The following CD8B2 variants were observed in gnomAD, a reference collection of about 807,000 sequenced individuals.
CD8B2 encodes CD8B family member 2, also known as T-cell surface glycoprotein CD8 beta-2 chain.
A neutral mutation model predicts 23.7 loss-of-function variants in CD8B2; 11 were observed. The ratio of observed to expected loss-of-function variants is 0.46; its 90% CI spans 0.29 to 0.77. The LOEUF (loss-of-function observed/expected upper bound fraction) is 0.77. CD8B2 is among the 30% of genes least tolerant of loss of function. The pLI, the probability that CD8B2 is intolerant of heterozygous loss-of-function variation, is 0.09. For missense variants in CD8B2, 197 were observed against 270.5 expected (o/e 0.73, Z 1.91); for synonymous variants, 90 against 109.3 (o/e 0.82, Z 1.10).
chr2:106,511,437 T>A (rs2104563432), downstream of CD8B2, among the ~76,000 whole-genome samples: 1 of 151,992 alleles, frequency 6.6e-6, no homozygotes, highest in Non-Finnish European at 1.5e-5. Context: ...AGCACTGGTG[T>A]TCTCCCCTCC....
Position 106,508,047 on chromosome 2 carries a change from A to C in CD8B2, c.*1107A>C, listed in dbSNP as rs1679547229. 6.7e-6 allele frequency: 1 copy of C among 149,616 alleles called. No homozygotes were observed. The highest frequency in any genetic ancestry group is 2.0e-4 in the East Asian group (1 of 5,122). The allele number at this position is 149,616 out of a possible 1,614,324, so 9.3% of individuals were successfully genotyped here. Reference sequence around the variant, plus strand: ...TTAGCCTTGACAGTTGGAGAAGGAAAAAGCAAGGAGAAAGTGCTGAGCAGG... The same window carrying C: ...TTAGCCTTGACAGTTGGAGAAGGAACAAGCAAGGAGAAAGTGCTGAGCAGG... On this transcript the variant is annotated 3_prime_UTR_variant, in exon 6 of 6. Transcript: ENST00000643224.
intron 5 of CD8B2, chr2:106,535,064 C>A (rs1184421769): frequency 1.7e-4 from 26 of 152,228 alleles, no homozygotes; most frequent in Admixed American, 1.7e-3. Flanking sequence ...CCAAGTGATC[C>A]ACCTGCCTCA....
At chr2:106,490,764 G>A in intron 1 of CD8B2, 110 bp from the exon 2 acceptor site, 1 of 1,516,520 alleles carries the variant, frequency 6.6e-7, no homozygotes, top group Non-Finnish European at 8.8e-7. Flanking sequence ...CCCAGTAACT[G>A]GGCAGGTTCT....
intron 5 of CD8B2, among the ~76,000 whole-genome samples, 154 bp downstream of exon 5, chr2:106,504,479 C>T (rs565418086): frequency 3.9e-5 from 6 of 152,082 alleles, no homozygotes; most frequent in Admixed American, 2.0e-4. Context: ...CACAGCTACT[C>T]GGGAGCTGAA....
intron 5 of CD8B2, among the ~76,000 whole-genome samples, chr2:106,528,795 A>C (rs1490744689): frequency 6.6e-6 from 1 of 152,212 alleles, no homozygotes; most frequent in Non-Finnish European, 1.5e-5. Context: ...AGGCATTGGA[A>C]ATAGACTTTC....
chr2:106,539,654 A>G (rs1680142755), intron 5 of CD8B2, among the ~76,000 whole-genome samples: 1 of 152,184 alleles, frequency 6.6e-6, no homozygotes, highest in African/African-American at 2.4e-5. Flanking sequence ...GGACCATATC[A>G]TATTTATCAT....
chr2:106,506,265 G>A (rs570028966), intron 5 of CD8B2, among the ~76,000 whole-genome samples: 1 of 152,114 alleles, frequency 6.6e-6, no homozygotes, highest in East Asian at 1.9e-4. Flanking sequence ...GCTCCCCAGT[G>A]ATCTGATGCC....
At chr2:106,487,986 G>C (rs1213532861) in intron 1 of CD8B2, among the ~76,000 whole-genome samples, 1 of 152,156 alleles carries the variant, frequency 6.6e-6, no homozygotes, top group Non-Finnish European at 1.5e-5. Flanking sequence ...TGATGTGGCT[G>C]GTGTTGGGTG....
At chr2:106,537,162 C>T (rs1260270446) in intron 5 of CD8B2, among the ~76,000 whole-genome samples, 1 of 152,180 alleles carries the variant, frequency 6.6e-6, no homozygotes. Context: ...AACCAGGCCT[C>T]ATGCTCTGGG....
chr2:106,502,860 C>T (rs1679438780), intron 4 of CD8B2, among the ~76,000 whole-genome samples: 1 of 151,710 alleles, frequency 6.6e-6, no homozygotes, highest in African/African-American at 2.4e-5. Context: ...ACATTAGCTA[C>T]CTCCCAGAGT....
intron 5 of CD8B2, among the ~76,000 whole-genome samples, chr2:106,534,277 G>A (rs548845602): frequency 7.2e-5 from 11 of 152,296 alleles, no homozygotes; most frequent in South Asian, 2.1e-4. Context: ...AGGAAGAGGC[G>A]GGGAGAGAGA....
intron 5 of CD8B2, among the ~76,000 whole-genome samples, chr2:106,529,829 G>C (rs1432510233): frequency 2.0e-5 from 3 of 152,232 alleles, no homozygotes; most frequent in Non-Finnish European, 4.4e-5. Context: ...AGGGAGCTCT[G>C]TCTTTGCCAT....
chr2:106,490,554 A>T (rs1374163858), intron 1 of CD8B2, among the ~76,000 whole-genome samples: 6 of 152,210 alleles, frequency 3.9e-5, no homozygotes, highest in Non-Finnish European at 7.3e-5. Context: ...AAAATTCCAA[A>T]GCCAGTTTGA....
At chr2:106,494,438 G>A (rs1227562313) in intron 2 of CD8B2, among the ~76,000 whole-genome samples, 14 of 152,030 alleles carry the variant, frequency 9.2e-5, no homozygotes, top group African/African-American at 2.9e-4. Context: ...GTGAGTCACC[G>A]CGCCCAGCCT....
At chr2:106,542,874 A>C (rs1680198647) in intron 5 of CD8B2, 2 of 152,242 alleles carry the variant, frequency 1.3e-5, no homozygotes, top group South Asian at 4.1e-4. Flanking sequence ...TCAACTGAGC[A>C]GTGCCCCTAA....
intron 5 of CD8B2, among the ~76,000 whole-genome samples, chr2:106,529,707 A>T (rs1034677841): frequency 7.9e-5 from 12 of 152,230 alleles, no homozygotes; most frequent in Non-Finnish European, 1.5e-4. Flanking sequence ...GGGACATGTC[A>T]GTGGTGCCTT....
Position 106,507,301 on chromosome 2 carries a change from G to A in CD8B2, c.*361G>A, listed in dbSNP as rs1679529243. The A allele has an allele frequency of 1.9e-6, 2 of 1,056,196 alleles. No homozygotes were observed. The highest frequency in any genetic ancestry group is 2.3e-6 in the Non-Finnish European group (2 of 875,548). The allele number at this position is 1,056,196 out of a possible 1,614,324, so 65.4% of individuals were successfully genotyped here. A position where few individuals can be genotyped will look rare whatever the true frequency, so the allele number is the denominator to read the frequency against. On this transcript the variant is annotated 3_prime_UTR_variant, in exon 6 of 6. Transcript: ENST00000643224. ...CATCTTTGCAAGTTGCTTTGCCCTG[G>A]TAGGGCAGTAACATTGGGTCCTGGG...
At chr2:106,542,542 C>CAAAT (rs1246793411) in intron 5 of CD8B2, among the ~76,000 whole-genome samples, 2 of 150,716 alleles carry the variant, frequency 1.3e-5, no homozygotes, top group Non-Finnish European at 2.9e-5. Context: ...GATTATTTAA[C>CAAAT]AAATACATGC....
At position 106,508,452 on chromosome 2, in the gene CD8B2, T is replaced by C. The variant is rs374394349; in HGVS notation, c.*1512T>C. On this transcript the variant is annotated 3_prime_UTR_variant, in exon 6 of 6. Transcript: ENST00000643224. ...TGTGGTGGGTGGAGTTAGAAAGGCA[T>C]AGATGCAGTGTTACCGGAAGGAGGG... The C allele has an allele frequency of 1.2e-4, 19 of 152,090 alleles. No homozygotes were observed. In the South Asian group the frequency reaches 2.3e-3, roughly 18 times the overall value. The allele number at this position is 152,090 out of a possible 1,614,324, so 9.4% of individuals were successfully genotyped here.
Sources: gnomAD v4.1 joint callset for allele counts (sites outside exome capture counted in the v4.1 genomes callset) on GRCh38, gnomAD v4.1.1 for gene constraint, MANE v1.5 for transcripts, NCBI Gene and HGNC (gene_info 2026-07-23, HGNC 2026-07-21) for gene names.